The following CDH23 variants were observed in gnomAD, a reference collection of about 807,000 sequenced individuals.
The protein encoded by CDH23 is cadherin-23.
A neutral mutation model predicts 317.1 loss-of-function variants in CDH23; 189 were observed. The observed-to-expected ratio is 0.60, with a 90% CI of 0.53 to 0.67. The LOEUF is 0.67. CDH23 is among the 30% of genes least tolerant of loss of function. The pLI, the probability that CDH23 is intolerant of heterozygous loss-of-function variation, is 0.00. For missense variants in CDH23, 4,401 were observed against 4,592.4 expected, an observed-to-expected ratio of 0.96 and a Z score of 1.20; for synonymous variants, 1,839 against 1,876.8, an observed-to-expected ratio of 0.98 and a Z score of 0.52.
intron 6 of CDH23, among the ~76,000 whole-genome samples, chr10:71,547,958 C>T (rs1047927285): frequency 2.0e-5 from 3 of 152,190 alleles, no homozygotes; most frequent in Admixed American, 6.5e-5. Context: ...GAACAGGAGC[C>T]GGAAGAGAGG....
intron 11 of CDH23, among the ~76,000 whole-genome samples, chr10:71,637,683 G>A (rs1211203552): frequency 6.6e-6 from 1 of 152,080 alleles, no homozygotes; most frequent in Admixed American, 6.5e-5. Context: ...GGTTGGTTTT[G>A]GTGAGGGCAG....
Position 71,732,317 on chromosome 10 carries a change from G to A in CDH23, c.4046G>A (p.Arg1349His), listed in dbSNP as rs768452198. Residue 1349 changes from arginine to histidine, a missense_variant, in exon 32 of 70, where the codon CGC becomes CAC. By Grantham distance (29) the Arg-to-His change is conservative. Around this residue, in one of 3 missense-constraint regions of CDH23, gnomAD observed 3,068 missense variants for 3,203.3 expected, o/e 0.96. Transcript: ENST00000224721. ...GACAACCTCAACCAAATCACGTACC[G>A]CTTCAACGCCTACACCAGCACCCAG... ...SIDNLNQITY[R>H]FNAYTSTQAK... 2.1e-5 allele frequency: 34 copies of A among 1,603,582 alleles called. 1 individual carries two copies. Among genetic ancestry groups the A allele is most frequent in the South Asian group, 1.9e-4 (17 of 89,548 alleles).
At chr10:71,446,702 C>G (rs1850187806) in intron 3 of CDH23, among the ~76,000 whole-genome samples, 1 of 152,200 alleles carries the variant, frequency 6.6e-6, no homozygotes, top group African/African-American at 2.4e-5. Context: ...CTGTTGTAGA[C>G]TTTGTTTTGT....
At chr10:71,564,908 T>C (rs1357412705) in intron 6 of CDH23, among the ~76,000 whole-genome samples, 2 of 152,258 alleles carry the variant, frequency 1.3e-5, no homozygotes, top group Non-Finnish European at 2.9e-5. Flanking sequence ...TTCAGAGTGA[T>C]CTATTGTATA....
chr10:71,547,910 G>A (rs927023238), intron 6 of CDH23, among the ~76,000 whole-genome samples: 2 of 152,250 alleles, frequency 1.3e-5, no homozygotes, highest in Non-Finnish European at 2.9e-5. Context: ...GCTGTGGCCA[G>A]GGCTAAGCAG....
At chr10:71,785,412 C>T (rs1490537392) in intron 43 of CDH23, among the ~76,000 whole-genome samples, 1 of 152,246 alleles carries the variant, frequency 6.6e-6, no homozygotes, top group Non-Finnish European at 1.5e-5. Context: ...TGGCCAACAA[C>T]ACCATGGGGT....
chr10:71,610,091 G>A (rs1355928115), intron 9 of CDH23, among the ~76,000 whole-genome samples: 2 of 151,858 alleles, frequency 1.3e-5, no homozygotes, highest in African/African-American at 2.4e-5. Context: ...TGCAACCTCC[G>A]TCTCCCAGGT....
chr10:71,803,033 C>T lies in CDH23; in HGVS notation c.7618C>T (p.Pro2540Ser), dbSNP rs774746437. Residue 2540 changes from proline (P) to serine (S), a missense_variant, in exon 54 of 70, where the codon CCC becomes TCC. Pro to Ser is a moderately conservative substitution (Grantham distance 74). Around this residue, in one of 3 missense-constraint regions of CDH23, gnomAD observed 1,144 missense variants for 1,138.2 expected, o/e 1.01. Coordinates refer to ENST00000224721, the MANE Select transcript of CDH23 (RefSeq NM_022124.6). ...TMMATDQDEG[P>S]NGELTYSLEG... is the part of the protein sequence containing the mutation. The stretch of plus-strand genomic sequence containing the variant: ...GATGGCCACTGACCAGGATGAAGGT[C>T]CCAATGGAGAGTTGACCTACTCACT... 1.4e-5 allele frequency: 23 copies of T among 1,613,740 alleles called. No individual in the cohort carries two copies. Among genetic ancestry groups the T allele is most frequent in the Non-Finnish European group, 1.9e-5 (22 of 1,179,780 alleles).
intron 9 of CDH23, among the ~76,000 whole-genome samples, chr10:71,596,978 G>A (rs1859892782): frequency 6.6e-6 from 1 of 152,208 alleles, no homozygotes; most frequent in Admixed American, 6.5e-5. Flanking sequence ...TTGTTTGAAG[G>A]ACAGATAATT....
rs1564636223 is a variant in CDH23 at position 71,532,705 on chromosome 10, G to GTT, written c.429+21497_429+21498dup. Among the ~76,000 whole-genome samples, 4 of 59,728 alleles carry GTT rather than the reference G, an allele frequency of 6.7e-5. 1 individual carries two copies. The highest frequency in any genetic ancestry group is 6.7e-4 in the Admixed American group (4 of 5,994). The allele number at this position is 59,728 out of a possible 152,430, so 39.2% of individuals were successfully genotyped here. ...GTTTGATGTTGGCAAGTTTTCTTTT[G>GTT]TTTTTGTTTTTTTTTTTTTTTGTTT... On this transcript the variant is annotated intron_variant, in intron 6 of 69. Coordinates refer to ENST00000224721, the MANE Select transcript of CDH23 (RefSeq NM_022124.6).
chr10:71,491,759 G>C (rs1280760903), intron 3 of CDH23, among the ~76,000 whole-genome samples: 1 of 152,166 alleles, frequency 6.6e-6, no homozygotes, highest in African/African-American at 2.4e-5. Flanking sequence ...AGGAGAGCAG[G>C]AGTTTAGCCC....
chr10:71,760,750 G>T lies in CDH23; in HGVS notation c.4846-16930G>T, dbSNP rs1009604777. The T allele has an allele frequency of 7.8e-6, 7 of 899,506 alleles. No individual in the cohort carries two copies. The Admixed American group carries it at 1.2e-4, about 16-fold the overall frequency. The allele number at this position is 899,506 out of a possible 1,614,324, so 55.7% of individuals were successfully genotyped here. A position where few individuals can be genotyped will look rare whatever the true frequency, so the allele number is the denominator to read the frequency against. ...ATGTGCAGCAGCAGAAAAGGAGGAG[G>T]ACCGGGGGGTTCTGAGGGCTTGGGG... On this transcript the variant is annotated intron_variant, in intron 38 of 69. Transcript: ENST00000224721.
chr10:71,537,111 T>G (rs1855746713), intron 6 of CDH23, among the ~76,000 whole-genome samples: 1 of 151,974 alleles, frequency 6.6e-6, no homozygotes, highest in Non-Finnish European at 1.5e-5. Context: ...TTTCCCAACC[T>G]TCATGGGCCC....
intron 1 of CDH23, among the ~76,000 whole-genome samples, chr10:71,417,158 C>T (rs989895585): frequency 1.3e-5 from 2 of 151,212 alleles, no homozygotes; most frequent in Admixed American, 6.6e-5. Flanking sequence ...TCACTGCCAA[C>T]CTCTGCTGCT....
At chr10:71,738,759 C>A in intron 35 of CDH23, 112 bp downstream of exon 35, 2 of 1,299,734 alleles carry the variant, frequency 1.5e-6, no homozygotes, top group Admixed American at 2.2e-5. Context: ...CAGGTTCTTC[C>A]GGTCTCTGCC....
Position 71,522,822 on chromosome 10 carries a change from G to C in CDH23, c.429+11610G>C, listed in dbSNP as rs1039988328. 2.6e-5 allele frequency among the ~76,000 whole-genome samples: 4 copies of C among 151,802 alleles called. No homozygotes were observed. In the East Asian group the frequency reaches 5.8e-4, roughly 22 times the overall value. ...AGTTGGATAGAGAGGAAGGAGAAGG[G>C]AAAAAAGGAGAGGGGTCTTTTCCCC... On this transcript the variant is annotated intron_variant, in intron 6 of 69. Coordinates refer to ENST00000224721, the MANE Select transcript of CDH23 (RefSeq NM_022124.6).
intron 50 of CDH23, 51 bp from the exon 51 acceptor site, chr10:71,799,060 T>C: frequency 1.9e-6 from 3 of 1,546,822 alleles, no homozygotes; most frequent in Non-Finnish European, 1.8e-6. Flanking sequence ...TTTGGAGAGC[T>C]GCCATGAATG....
intron 1 of CDH23, among the ~76,000 whole-genome samples, chr10:71,405,785 T>C (rs1309592262): frequency 6.6e-6 from 1 of 151,834 alleles, no homozygotes; most frequent in African/African-American, 2.4e-5. Flanking sequence ...GGTGGTGGGG[T>C]GGGGGATCCT....
intron 6 of CDH23, among the ~76,000 whole-genome samples, chr10:71,561,793 C>T (rs1857144714): frequency 6.6e-6 from 1 of 151,664 alleles, no homozygotes; most frequent in African/African-American, 2.4e-5. Context: ...TTTGGGGAGA[C>T]TTCCTTTGAA....
Sources: gnomAD v4.1 joint callset for allele counts (sites outside exome capture counted in the v4.1 genomes callset) on GRCh38, gnomAD v4.1.1 for gene constraint, gnomAD v4.1.1 regional missense constraint, MANE v1.5 for transcripts, NCBI Gene and HGNC (gene_info 2026-07-23, HGNC 2026-07-21) for gene names.